The following GNAO1 variants were observed in gnomAD, a reference collection of about 807,000 sequenced individuals.
GNAO1 encodes the protein G protein subunit alpha o1.
For synonymous variants in GNAO1, 164 were observed against 180.7 expected, an observed-to-expected ratio of 0.91 and a Z score of 0.74; for missense variants, 166 against 478.7, an observed-to-expected ratio of 0.35 and a Z score of 6.10.
chr16:56,207,307 T>A (rs1013270410), intron 2 of GNAO1, among the ~76,000 whole-genome samples: 1 of 152,096 alleles, frequency 6.6e-6, no homozygotes, highest in Admixed American at 6.5e-5. Context: ...ACCAAAAAAA[T>A]AAATAAATAA....
At chr16:56,295,758 C>T (rs536048250) in intron 3 of GNAO1, among the ~76,000 whole-genome samples, 113 of 152,352 alleles carry the variant, frequency 7.4e-4, no homozygotes, top group African/African-American at 2.6e-3. Flanking sequence ...AGGTGGTCTC[C>T]CTGCCTCTTC....
rs562887173 is a variant in GNAO1 at position 56,253,821 on chromosome 16, TC to T, written c.162-22106del. 3.5e-3 allele frequency among the ~76,000 whole-genome samples: 532 copies of T among 152,298 alleles called. 11 individuals are homozygous for T. The highest frequency in any genetic ancestry group is 1.1e-3 in the Non-Finnish European group (77 of 68,026). ...GGGGCCAGACCTGGGCCCTGCCTTC[TC>T]CCCAGCCTGGGGTAGCAGGGAGATG... On this transcript the variant is annotated intron_variant, in intron 2 of 8. Coordinates refer to ENST00000262493, the MANE Select transcript of GNAO1 (RefSeq NM_020988.3).
chr16:56,283,323 G>A (rs1438349705), intron 3 of GNAO1, among the ~76,000 whole-genome samples: 1 of 152,204 alleles, frequency 6.6e-6, no homozygotes, highest in East Asian at 1.9e-4. Flanking sequence ...ACCTAAGCAG[G>A]AGGAAAGATG....
intron 8 of GNAO1, 44 bp downstream of exon 8, chr16:56,355,125 T>C (rs756879615): frequency 1.5e-4 from 84 of 556,228 alleles, no homozygotes; most frequent in Middle Eastern, 4.0e-4. Context: ...TGCGCGCGCA[T>C]ACACACACAC....
chr16:56,337,383 T>C (rs1478153376), intron 6 of GNAO1, among the ~76,000 whole-genome samples: 1 of 152,086 alleles, frequency 6.6e-6, no homozygotes, highest in East Asian at 1.9e-4. Flanking sequence ...TGTGTGGGGC[T>C]GATGGGCCAG....
rs1221678868 is a variant in GNAO1, at chr16:56,276,032, T to C, written c.263T>C (p.Met88Thr). 1 of 1,613,928 alleles carries C rather than the reference T, an allele frequency of 6.2e-7. No homozygotes were observed. Among genetic ancestry groups the C allele is most frequent in the East Asian group, 2.2e-5 (1 of 44,900 alleles). Reference sequence around the variant, plus strand: ...TCCCTGGCAGCCATCGTCCGGGCCATGGACACTTTGGGCATCGAATATGGT... The same window carrying C: ...TCCCTGGCAGCCATCGTCCGGGCCACGGACACTTTGGGCATCGAATATGGT... ...IQSLAAIVRA[M>T]DTLGIEYGDK... Residue 88 changes from methionine to threonine, a missense_variant, in exon 3 of 9, where the codon ATG (methionine) becomes ACG (threonine). Coordinates refer to ENST00000262493, the MANE Select transcript of GNAO1 (RefSeq NM_020988.3).
At chr16:56,300,389 G>A (rs950255005) in intron 3 of GNAO1, among the ~76,000 whole-genome samples, 9 of 152,202 alleles carry the variant, frequency 5.9e-5, no homozygotes, top group African/African-American at 2.2e-4. Context: ...CTGGCCCCTG[G>A]CTGCAGCTCA....
At chr16:56,291,679 C>G (rs2037233634) in intron 3 of GNAO1, among the ~76,000 whole-genome samples, 1 of 152,148 alleles carries the variant, frequency 6.6e-6, no homozygotes, top group African/African-American at 2.4e-5. Context: ...GCTGCTGCAA[C>G]AAAATACCTT....
intron 2 of GNAO1, among the ~76,000 whole-genome samples, chr16:56,224,604 C>T (rs2036518430): frequency 6.6e-6 from 1 of 152,294 alleles, no homozygotes; most frequent in Middle Eastern, 3.4e-3. Flanking sequence ...TGTCAGCCTC[C>T]CAAGTAGCTG....
chr16:56,215,727 G>A (rs190349491), intron 2 of GNAO1, among the ~76,000 whole-genome samples: 1 of 152,264 alleles, frequency 6.6e-6, no homozygotes, highest in Non-Finnish European at 1.5e-5. Context: ...ATTGCTGTGG[G>A]TTCTCTCATA....
intron 3 of GNAO1, among the ~76,000 whole-genome samples, chr16:56,290,110 G>A (rs2037215284): frequency 6.6e-6 from 1 of 152,184 alleles, no homozygotes; most frequent in South Asian, 2.1e-4. Flanking sequence ...GGGCTTTTTA[G>A]TGAGTTATCT....
chr16:56,302,733 C>G (rs1257416360), intron 3 of GNAO1: 1 of 152,232 alleles, frequency 6.6e-6, no homozygotes. Context: ...GCCCGCCAGC[C>G]CCTGGCTGCT....
At chr16:56,260,124 G>A (rs2036889472) in intron 2 of GNAO1, among the ~76,000 whole-genome samples, 1 of 152,194 alleles carries the variant, frequency 6.6e-6, no homozygotes, top group Non-Finnish European at 1.5e-5. Flanking sequence ...GTTATTGGGA[G>A]GATTCAGTGT....
chr16:56,200,851 C>G (rs2036276179), intron 2 of GNAO1, among the ~76,000 whole-genome samples: 1 of 152,180 alleles, frequency 6.6e-6, no homozygotes, highest in Non-Finnish European at 1.5e-5. Flanking sequence ...ACCATCTGGA[C>G]AGGCCTTGAA....
At chr16:56,241,289 T>A (rs1241714902) in intron 2 of GNAO1, among the ~76,000 whole-genome samples, 1 of 151,960 alleles carries the variant, frequency 6.6e-6, no homozygotes, top group South Asian at 2.1e-4. Flanking sequence ...TGCTGGGGAG[T>A]AAAGCATCAC....
rs549211010 is a variant in GNAO1 at position 56,197,364 on chromosome 16, A to G, written c.161+4748A>G. Among the ~76,000 whole-genome samples the G allele has an allele frequency of 1.5e-3, 222 of 152,310 alleles. 1 individual carries two copies. Among genetic ancestry groups the G allele is most frequent in the Middle Eastern group, 0.01 (3 of 294 alleles). ...AATGGATGCACCTTGCTCTCTGGAG[A>G]CAGCAAGAGTGCGAACGGAATGTCA... On this transcript the variant is annotated intron_variant, in intron 2 of 8. Coordinates refer to ENST00000262493, the MANE Select transcript of GNAO1 (RefSeq NM_020988.3).
chr16:56,273,081 AATAATATT>A (rs1321345074), intron 2 of GNAO1, among the ~76,000 whole-genome samples: 2 of 152,332 alleles, frequency 1.3e-5, no homozygotes, highest in Non-Finnish European at 2.9e-5. Context: ...TTTACTTTCA[AATAATATT>A]ATATTAATAC....
rs2036187726 is a variant in GNAO1 at position 56,192,584 on chromosome 16, A to G, written c.129A>G (p.Glu43=). The change falls in exon 2 of 9, where the codon GAA becomes GAG. Residue 43 remains glutamate (E), a synonymous_variant. Transcript: ENST00000262493. ...TCTGTGTCCCAACAGGGGCTGGAGA[A>G]TCAGGAAAAAGCACCATTGTGAAGC... The part of the protein sequence containing the change: ...DVKLLLLGAG[E]SGKSTIVKQM... 6.2e-7 allele frequency: 1 copy of G among 1,600,364 alleles called. No individual in the cohort carries two copies. The highest frequency in any genetic ancestry group is 1.7e-5 in the Admixed American group (1 of 59,836).
At chr16:56,232,160 A>G (rs947629990) in intron 2 of GNAO1, among the ~76,000 whole-genome samples, 1 of 152,194 alleles carries the variant, frequency 6.6e-6, no homozygotes, top group African/African-American at 2.4e-5. Context: ...CTTTTGATGC[A>G]TCCTCCCTCC....
Sources: gnomAD v4.1 joint callset for allele counts (sites outside exome capture counted in the v4.1 genomes callset) on GRCh38, gnomAD v4.1.1 for gene constraint, MANE v1.5 for transcripts, NCBI Gene and HGNC (gene_info 2026-07-23, HGNC 2026-07-21) for gene names.